Variants in PLB1 observed in about 807,000 individuals in gnomAD.
The protein encoded by PLB1 is phospholipase B1, membrane-associated.
PLB1 carries 242 observed loss-of-function variants against 227.4 expected under a neutral mutation model. The ratio of observed to expected loss-of-function variants is 1.06; its 90% CI spans 0.96 to 1.18. PLB1 has a LOEUF of 1.18. PLB1 is among the 50% of genes most tolerant of loss of function. PLB1 has a pLI of 0.00. For synonymous variants in PLB1, 757 were observed against 682.2 expected (o/e 1.11, Z -1.71); for missense variants, 1,858 against 1,816.3 (o/e 1.02, Z -0.42).
At chr2:28,581,409 T>C (rs13421347) in intron 23 of PLB1, among the ~76,000 whole-genome samples, 5,413 of 148,122 alleles carry the variant, frequency 0.037, 153 homozygotes, top group Admixed American at 0.043. Context: ...GACATCCCCA[T>C]GTTAGAGGGG....
chr2:28,629,220 A>G, intron 53 of PLB1, 35 bp downstream of exon 53: 2 of 1,599,052 alleles, frequency 1.3e-6, no homozygotes, highest in Non-Finnish European at 1.7e-6. Context: ...AGGCAAGGGC[A>G]CCTGGGGTGA....
chr2:28,639,111 G>GAGAA (rs1689702230), intron 56 of PLB1, among the ~76,000 whole-genome samples: 2 of 151,480 alleles, frequency 1.3e-5, no homozygotes, highest in South Asian at 4.2e-4. Context: ...AGAGCTCCTA[G>GAGAA]AGAAAGAATA....
chr2:28,568,284 G>A (rs1021021148), intron 20 of PLB1, among the ~76,000 whole-genome samples: 5 of 152,198 alleles, frequency 3.3e-5, no homozygotes, highest in Non-Finnish European at 5.9e-5. Flanking sequence ...AGCTTTCTGG[G>A]CTCTTTACTT....
intron 9 of PLB1, 141 bp from the exon 10 acceptor site, chr2:28,538,178 C>A: frequency 1.1e-6 from 1 of 945,254 alleles, no homozygotes; most frequent in Non-Finnish European, 1.7e-6. Context: ...GAATTCTGTC[C>A]TCCTTTGTGG....
chr2:28,625,762 G>C (rs931469802), intron 50 of PLB1, among the ~76,000 whole-genome samples: 1 of 152,066 alleles, frequency 6.6e-6, no homozygotes, highest in African/African-American at 2.4e-5. Context: ...TTCATTTGGG[G>C]GGACGTGGTA....
At chr2:28,506,485 G>A (rs944493861) in intron 1 of PLB1, among the ~76,000 whole-genome samples, 1 of 152,160 alleles carries the variant, frequency 6.6e-6, no homozygotes, top group Non-Finnish European at 1.5e-5. Flanking sequence ...GTTAAGGTAG[G>A]ACAATTAAAC....
chr2:28,529,546 C>T (rs1200834609), intron 7 of PLB1, 139 bp downstream of exon 7: 1 of 946,020 alleles, frequency 1.1e-6, no homozygotes, highest in South Asian at 1.6e-5. Flanking sequence ...AATGCCCCCT[C>T]AAGCTGATTT....
intron 9 of PLB1, 52 bp downstream of exon 9, chr2:28,532,246 G>T (rs1671113907): frequency 6.8e-7 from 1 of 1,481,080 alleles, no homozygotes; most frequent in South Asian, 1.2e-5. Flanking sequence ...GGTGGAGAGG[G>T]AGTGAACTAA....
At chr2:28,578,543 G>A (rs1371634465) in intron 22 of PLB1, among the ~76,000 whole-genome samples, 1 of 152,100 alleles carries the variant, frequency 6.6e-6, no homozygotes, top group Non-Finnish European at 1.5e-5. Context: ...GACAGTCAGG[G>A]AAGGCTTGAA....
chr2:28,594,021 A>G (rs1373734107), intron 33 of PLB1: 1 of 722,126 alleles, frequency 1.4e-6, no homozygotes, highest in Admixed American at 1.7e-5. Flanking sequence ...CAAATCCAAC[A>G]GGAAATGCAC....
intron 33 of PLB1, 150 bp from the exon 34 acceptor site, chr2:28,597,855 G>A (rs1002206045): frequency 2.7e-6 from 2 of 751,912 alleles, no homozygotes; most frequent in African/African-American, 1.7e-5. Flanking sequence ...AATTTTCTCA[G>A]AATTCCTCAA....
intron 4 of PLB1, among the ~76,000 whole-genome samples, chr2:28,523,017 G>A (rs1436353638): frequency 2.0e-5 from 3 of 152,146 alleles, no homozygotes; most frequent in African/African-American, 4.8e-5. Context: ...CTAGGTATAC[G>A]CACTTCTTTG....
At chr2:28,541,198 T>G (rs2148208191) in intron 12 of PLB1, among the ~76,000 whole-genome samples, 2 of 151,702 alleles carry the variant, frequency 1.3e-5, no homozygotes, top group South Asian at 4.2e-4. Flanking sequence ...AATAAATAAA[T>G]AAATAAATAA....
In PLB1 at chr2:28,621,270, C is replaced by A. The variant is rs531778227; in HGVS notation, c.3527+292C>A. ...TCTGACCACTGTGCTATTACCGCCTCTCCAGGGCAGCAGGAGGCGCACATC... is the reference window on the plus strand; with the variant it reads ...TCTGACCACTGTGCTATTACCGCCTATCCAGGGCAGCAGGAGGCGCACATC... On this transcript the variant is annotated intron_variant, in intron 49 of 57. Transcript: ENST00000327757. Among the ~76,000 whole-genome samples, 8 of 152,272 alleles carry A rather than the reference C, an allele frequency of 5.3e-5. No homozygotes were observed. In the East Asian group the frequency reaches 1.4e-3, roughly 26 times the overall value.
intron 9 of PLB1, among the ~76,000 whole-genome samples, chr2:28,538,013 G>C (rs933031639): frequency 6.6e-6 from 1 of 152,188 alleles, no homozygotes; most frequent in African/African-American, 2.4e-5. Context: ...GTGAGCTTCA[G>C]AATCACACCA....
Position 28,625,233 on chromosome 2 carries a change from G to A in PLB1, c.3579+125G>A, listed in dbSNP as rs1375924310. The A allele has an allele frequency of 2.9e-5, 26 of 886,854 alleles. No individual in the cohort carries two copies. The East Asian group carries it at 3.9e-4, about 13-fold the overall frequency. 54.9% of individuals were successfully genotyped at this position (886,854 alleles called of 1,614,324 possible). A position where few individuals can be genotyped will look rare whatever the true frequency, so the allele number is the denominator to read the frequency against. On this transcript the variant is annotated intron_variant, in intron 50 of 57. Transcript: ENST00000327757. ...GCTTTGGGCTAGCCAAAAGATCCTC[G>A]GAGAAGCAGTCCTTACCAAGGAGGC...
Position 28,538,336 on chromosome 2 carries a change from C to T in PLB1, c.573C>T (p.Gly191=), listed in dbSNP as rs756673982. ...TCTCACAGAATGGGCTTGCGGCGGG[C>T]GGCGTGGATGAGCTGATGGGGGTGC... The part of the protein sequence containing the change: ...PSAQQNGLAA[G]GVDELMGVLD... The change falls in exon 10 of 58, where the codon GGC becomes GGT. Residue 191 remains glycine (G), a synonymous_variant. Coordinates refer to ENST00000327757, the MANE Select transcript of PLB1 (RefSeq NM_153021.5). 5 of 1,611,024 alleles carry T rather than the reference C, an allele frequency of 3.1e-6. No individual in the cohort carries two copies. The African/African-American group carries it at 4.0e-5, about 13-fold the overall frequency.
chr2:28,564,529 A>G (rs1676564881), intron 18 of PLB1, among the ~76,000 whole-genome samples: 1 of 152,130 alleles, frequency 6.6e-6, no homozygotes, highest in Admixed American at 6.5e-5. Flanking sequence ...CCTGCTCCCA[A>G]TTCCCTGGTC....
intron 53 of PLB1, among the ~76,000 whole-genome samples, chr2:28,630,086 C>T (rs892720355): frequency 1.2e-4 from 18 of 152,162 alleles, no homozygotes; most frequent in African/African-American, 4.3e-4. Flanking sequence ...TGGCCCTCCC[C>T]AGCTTTCCCA....
Sources: gnomAD v4.1 joint callset for allele counts (sites outside exome capture counted in the v4.1 genomes callset) on GRCh38, gnomAD v4.1.1 for gene constraint, MANE v1.5 for transcripts, NCBI Gene and HGNC (gene_info 2026-07-23, HGNC 2026-07-21) for gene names.